DCC: variants seen among roughly 807,000 people sequenced by gnomAD.
DCC encodes DCC netrin 1 receptor, also known as netrin receptor DCC.
In DCC, 58 loss-of-function variants were observed where a neutral mutation model predicts 172.5. The observed-to-expected ratio is 0.34, with a 90% CI of 0.27 to 0.42. The LOEUF is 0.42. Among genes scored for constraint, DCC ranks in the 10% least tolerant of loss-of-function variants. The pLI, the probability that DCC is intolerant of heterozygous loss-of-function variation, is 1.00. For synonymous variants in DCC, 709 were observed against 644.5 expected, an observed-to-expected ratio of 1.10 and a Z score of -1.52; for missense variants, 1,740 against 1,791.0, an observed-to-expected ratio of 0.97 and a Z score of 0.51.
At chr18:53,500,450 C>T (rs1332464729) in intron 27 of DCC, among the ~76,000 whole-genome samples, 1 of 152,044 alleles carries the variant, frequency 6.6e-6, no homozygotes, top group Non-Finnish European at 1.5e-5. Context: ...ACATTATGCT[C>T]ATACATTTGA....
intron 12 of DCC, among the ~76,000 whole-genome samples, chr18:53,254,865 A>G (rs1297621922): frequency 1.3e-5 from 2 of 152,084 alleles, no homozygotes; most frequent in African/African-American, 4.8e-5. Flanking sequence ...GAAACATAGT[A>G]ATATTGTTGC....
At chr18:52,674,191 G>C (rs1049460534) in intron 1 of DCC, among the ~76,000 whole-genome samples, 5 of 152,144 alleles carry the variant, frequency 3.3e-5, no homozygotes, top group Admixed American at 2.0e-4. Flanking sequence ...TAAGGTTATT[G>C]GCTTGCACAA....
intron 5 of DCC, among the ~76,000 whole-genome samples, chr18:52,950,647 G>A (rs1042023203): frequency 6.6e-6 from 1 of 152,142 alleles, no homozygotes; most frequent in Admixed American, 6.5e-5. Context: ...AATATAGGCT[G>A]GGCGTGGTGG....
intron 7 of DCC, 94 bp from the exon 8 acceptor site, chr18:53,157,262 T>G: frequency 1.1e-5 from 16 of 1,451,896 alleles, no homozygotes; most frequent in Non-Finnish European, 1.5e-5. Flanking sequence ...GACTATGACA[T>G]GGAGATGCTT....
chr18:53,053,484 C>T (rs1370432866), intron 5 of DCC, among the ~76,000 whole-genome samples: 1 of 151,998 alleles, frequency 6.6e-6, no homozygotes, highest in East Asian at 1.9e-4. Context: ...GAGGGAAATT[C>T]AGTTATGTGT....
intron 14 of DCC, among the ~76,000 whole-genome samples, chr18:53,338,314 T>C (rs954008362): frequency 3.3e-5 from 5 of 152,182 alleles, no homozygotes; most frequent in Admixed American, 6.5e-5. Flanking sequence ...TATAAATATT[T>C]ATTAATTGGC....
At position 52,852,626 on chromosome 18, in the gene DCC, TATTTGGTTAAA is replaced by T. The variant is rs1042680408; in HGVS notation, c.413-53402_413-53392del. Among the ~76,000 whole-genome samples, 174 of 144,454 alleles carry T rather than the reference TATTTGGTTAAA, an allele frequency of 1.2e-3. 1 individual carries two copies. The highest frequency in any genetic ancestry group is 4.7e-3 in the African/African-American group (163 of 34,440). 94.8% of individuals were successfully genotyped at this position (144,454 alleles called of 152,430 possible). ...GTTAAATAGACACTTACCAAGTGTC[TATTTGGTTAAA>T]ATTTGGTTAAAATTTATTTTAACCG... is the stretch of plus-strand genomic sequence containing the variant. On this transcript the variant is annotated intron_variant, in intron 2 of 28. Transcript: ENST00000442544.
chr18:52,677,067 A>G (rs1328541229), intron 1 of DCC, among the ~76,000 whole-genome samples: 2 of 152,200 alleles, frequency 1.3e-5, no homozygotes, highest in Admixed American at 1.3e-4. Context: ...GAAATAGTGA[A>G]ATTCAACAGC....
intron 27 of DCC, among the ~76,000 whole-genome samples, chr18:53,525,756 C>T (rs184072264): frequency 3.3e-5 from 5 of 152,216 alleles, no homozygotes; most frequent in African/African-American, 9.6e-5. Context: ...ACTGAGGCCA[C>T]TGTCTTTTCA....
intron 2 of DCC, among the ~76,000 whole-genome samples, chr18:52,760,421 A>T (rs1048210537): frequency 2.6e-5 from 4 of 152,174 alleles, no homozygotes; most frequent in African/African-American, 9.6e-5. Context: ...ACACAGAAGC[A>T]GACCATATCA....
chr18:52,370,061 G>A (rs761646029), intron 1 of DCC, among the ~76,000 whole-genome samples: 9 of 152,094 alleles, frequency 5.9e-5, no homozygotes, highest in Admixed American at 3.3e-4. Context: ...CAGTGTAAAA[G>A]CATTTCATTT....
intron 5 of DCC, among the ~76,000 whole-genome samples, chr18:53,049,295 C>G (rs1006055042): frequency 6.6e-6 from 1 of 151,980 alleles, no homozygotes; most frequent in Non-Finnish European, 1.5e-5. Flanking sequence ...AGCCTATCTT[C>G]CAAGGTTTTT....
chr18:53,084,362 G>T (rs569334818), intron 7 of DCC, among the ~76,000 whole-genome samples: 4 of 152,132 alleles, frequency 2.6e-5, no homozygotes, highest in Non-Finnish European at 5.9e-5. Flanking sequence ...TCTCTCAAAG[G>T]ACCCTCCCTT....
chr18:53,344,440 C>CTTTTTTTTTTTTTTTTTTTTTT (rs71175582), intron 15 of DCC, among the ~76,000 whole-genome samples: 10 of 97,058 alleles, frequency 1.0e-4, no homozygotes, highest in East Asian at 3.2e-4. Context: ...TTTCGTTTTT[C>CTTTTTTTTTTTTTTTTTTTTTT]TTTTTTTTTT....
rs148684205 is a variant in DCC, at chr18:52,514,334, T to C, written c.91+173456T>C. Among the ~76,000 whole-genome samples the C allele has an allele frequency of 2.6e-5, 4 of 152,312 alleles. No individual in the cohort carries two copies. In the East Asian group the frequency reaches 7.7e-4, roughly 29 times the overall value. ...TAGACATGGTTTTTTTTATTGATAT[T>C]TGAGGCCAGATAATGCTTTCCTGTG... On this transcript the variant is annotated intron_variant, in intron 1 of 28. Coordinates refer to ENST00000442544, the MANE Select transcript of DCC (RefSeq NM_005215.4).
chr18:53,257,853 G>T (rs1349200910), intron 12 of DCC, among the ~76,000 whole-genome samples: 1 of 152,148 alleles, frequency 6.6e-6, no homozygotes, highest in East Asian at 1.9e-4. Context: ...GACTTTTTTT[G>T]GTTGGTAAGC....
chr18:53,195,138 TAGG>T (rs1180910954), intron 9 of DCC, among the ~76,000 whole-genome samples: 1 of 152,162 alleles, frequency 6.6e-6, no homozygotes. Context: ...TAATATCAAG[TAGG>T]AGAAGGGGTT....
At chr18:53,264,783 T>C (rs1204349954) in intron 12 of DCC, among the ~76,000 whole-genome samples, 4 of 152,000 alleles carry the variant, frequency 2.6e-5, no homozygotes, top group Admixed American at 2.6e-4. Context: ...AGAATAAGGA[T>C]GGAAAAAATC....
intron 2 of DCC, among the ~76,000 whole-genome samples, chr18:52,844,165 T>G (rs1047361751): frequency 3.9e-5 from 6 of 152,140 alleles, no homozygotes; most frequent in African/African-American, 1.4e-4. Flanking sequence ...TTGCTTGGAA[T>G]ATAGGACTGG....
Sources: allele counts gnomAD v4.1 joint callset (sites outside exome capture counted in the v4.1 genomes callset), GRCh38; gene constraint gnomAD v4.1.1; transcripts MANE v1.5; gene names NCBI Gene and HGNC (gene_info 2026-07-23, HGNC 2026-07-21).